Variants in EVC2 observed in about 807,000 individuals in gnomAD.
EVC2 encodes limbin.
EVC2 carries 148 observed loss-of-function variants against 149.3 expected under a neutral mutation model. The observed-to-expected ratio is 0.99, with a 90% confidence interval of 0.87 to 1.14. The LOEUF is 1.14. EVC2 is among the 50% of genes most tolerant of loss of function. The pLI is 0.00. For synonymous variants in EVC2, 776 were observed against 649.9 expected (o/e 1.19, Z -2.95); for missense variants, 1,854 against 1,627.3 (o/e 1.14, Z -2.40).
chr4:5,606,285 C>A (rs1412988210), intron 16 of EVC2, among the ~76,000 whole-genome samples: 1 of 152,172 alleles, frequency 6.6e-6, no homozygotes, highest in African/African-American at 2.4e-5. Context: ...TTAAAGCAGA[C>A]CTACTGTAAA....
intron 19 of EVC2, among the ~76,000 whole-genome samples, chr4:5,570,896 G>A (rs1236236238): frequency 1.3e-5 from 2 of 152,138 alleles, no homozygotes; most frequent in Non-Finnish European, 2.9e-5. Context: ...ACTCAGGAAT[G>A]GAAAACCATA....
rs186052775 is a variant in EVC2, at chr4:5,697,891, G to A, written c.229-244C>T. Among the ~76,000 whole-genome samples the A allele has an allele frequency of 1.7e-3, 260 of 151,766 alleles. 4 individuals carry two copies. Among genetic ancestry groups the A allele is most frequent in the East Asian group, 0.014 (72 of 5,146 alleles). Reference sequence around the variant, plus strand: ...CTCCCGAGTAGCTGGGACTACAGGCGCCCACCACCACGCCCAGCTAATTTT... The same window carrying A: ...CTCCCGAGTAGCTGGGACTACAGGCACCCACCACCACGCCCAGCTAATTTT... On this transcript the variant is annotated intron_variant, in intron 1 of 21. Transcript: ENST00000344408.
At chr4:5,659,836 A>C (rs1718766008) in intron 9 of EVC2, among the ~76,000 whole-genome samples, 1 of 152,224 alleles carries the variant, frequency 6.6e-6, no homozygotes, top group African/African-American at 2.4e-5. Context: ...TCCTCTTTTA[A>C]AGTACTAATT....
chr4:5,648,467 G>T (rs1033166037), intron 9 of EVC2, among the ~76,000 whole-genome samples: 1 of 152,162 alleles, frequency 6.6e-6, no homozygotes, highest in African/African-American at 2.4e-5. Context: ...TGCTTTACCG[G>T]TGGTTTGCTG....
chr4:5,584,979 G>A (rs531618829), intron 16 of EVC2, 129 bp from the exon 17 acceptor site: 62 of 992,216 alleles, frequency 6.2e-5, no homozygotes, highest in South Asian at 2.6e-4. Context: ...CAATGGAGAC[G>A]CACTGGGAAC....
the EVC2 span, among the ~76,000 whole-genome samples, chr4:5,531,149 G>GCCTA: frequency 6.6e-6 from 1 of 152,152 alleles, no homozygotes; most frequent in Non-Finnish European, 1.5e-5. Flanking sequence ...GGGAGTGGCG[G>GCCTA]CCTACATCAG....
chr4:5,688,442 T>TA (rs1421605403), intron 5 of EVC2, among the ~76,000 whole-genome samples: 1 of 152,202 alleles, frequency 6.6e-6, no homozygotes, highest in Non-Finnish European at 1.5e-5. Flanking sequence ...TCAGCCACTT[T>TA]AGTCCCAGTC....
intron 19 of EVC2, among the ~76,000 whole-genome samples, chr4:5,570,487 C>T (rs536124428): frequency 1.3e-5 from 2 of 152,318 alleles, no homozygotes; most frequent in South Asian, 4.1e-4. Context: ...TCTGATGCCA[C>T]ATCTACAGAC....
At chr4:5,586,748 C>T (rs1712315728) in intron 16 of EVC2, among the ~76,000 whole-genome samples, 1 of 152,126 alleles carries the variant, frequency 6.6e-6, no homozygotes. Flanking sequence ...ATCTGGAAGC[C>T]CCCACTTCAA....
chr4:5,689,195 G>T lies in EVC2; in HGVS notation c.668C>A (p.Ser223Ter), dbSNP rs999964757. The change falls in exon 5 of 22, where the codon TCG (serine) becomes TAG (stop). Residue 223 changes from serine to a stop codon, truncating the protein, a stop_gained. Coordinates refer to ENST00000344408, the MANE Select transcript of EVC2 (RefSeq NM_147127.5). LOFTEE classifies it high-confidence loss of function. ...CTTGCTAAAAGCCTGGAATCCTTCC[G>T]AGGTCCTGTTTCCCACAGAGTCCCA... Reference protein sequence around the residue: ...TIWDSVGNRTSEGFQAFSKKF... With the variant: ...TIWDSVGNRT 2.5e-6 allele frequency: 4 copies of T among 1,614,066 alleles called. No homozygotes were observed. The highest frequency in any genetic ancestry group is 2.7e-5 in the African/African-American group (2 of 74,924).
Position 5,670,455 on chromosome 4 carries a change from C to T in EVC2, c.871-4806G>A, listed in dbSNP as rs114758963. ...CCATTATGATCAATATCAGCAGGATCACCATCAAATTCATCATCACCATCC... is the reference window on the plus strand; with the variant it reads ...CCATTATGATCAATATCAGCAGGATTACCATCAAATTCATCATCACCATCC... On this transcript the variant is annotated intron_variant, in intron 7 of 21. Coordinates refer to ENST00000344408, the MANE Select transcript of EVC2 (RefSeq NM_147127.5). The surrounding 1 kb of genome is among the most constrained non-coding windows in gnomAD (Gnocchi z 5.2). Among the ~76,000 whole-genome samples the T allele has an allele frequency of 4.1e-3, 617 of 151,846 alleles. 5 individuals carry two copies. Among genetic ancestry groups the T allele is most frequent in the Middle Eastern group, 0.014 (4 of 292 alleles).
At chr4:5,578,434 C>A (rs1723062707) in intron 17 of EVC2, among the ~76,000 whole-genome samples, 1 of 152,096 alleles carries the variant, frequency 6.6e-6, no homozygotes, top group African/African-American at 2.4e-5. Flanking sequence ...AGGAATTTTT[C>A]ATCATCTAAT....
At chr4:5,632,073 G>A (rs1202058165) in intron 10 of EVC2, 41 bp from the exon 11 acceptor site, 31 of 1,611,616 alleles carry the variant, frequency 1.9e-5, no homozygotes, top group Non-Finnish European at 2.5e-5. Flanking sequence ...CTGACACACT[G>A]AACATGCACC....
chr4:5,682,955 G>T (rs200470402), intron 6 of EVC2, among the ~76,000 whole-genome samples: 1 of 152,028 alleles, frequency 6.6e-6, no homozygotes, highest in East Asian at 1.9e-4. Flanking sequence ...CGCGACTAAG[G>T]CATTTTTCTG....
At chr4:5,557,024 C>T (rs1577090150) in intron 21 of EVC2, among the ~76,000 whole-genome samples, 1 of 152,198 alleles carries the variant, frequency 6.6e-6, no homozygotes, top group East Asian at 1.9e-4. Flanking sequence ...TACCAATTTT[C>T]CATAATCTCT....
At chr4:5,681,725 A>G (rs1044830611) in intron 6 of EVC2, among the ~76,000 whole-genome samples, 1 of 150,380 alleles carries the variant, frequency 6.6e-6, no homozygotes, top group African/African-American at 2.4e-5. Flanking sequence ...AACGCACTTG[A>G]TTCTCCAAGC....
chr4:5,699,642 CAAAA>C (rs773633372), intron 1 of EVC2, among the ~76,000 whole-genome samples: 4 of 111,746 alleles, frequency 3.6e-5, no homozygotes, highest in African/African-American at 1.1e-4. Flanking sequence ...TCCATCTCTA[CAAAA>C]AAAAAAAAAA....
In EVC2 at chr4:5,694,446, GA is replaced by G; in HGVS notation, c.338del (p.Leu113ProfsTer34). On this transcript the variant is annotated frameshift_variant, in exon 3 of 22. Coordinates refer to ENST00000344408, the MANE Select transcript of EVC2 (RefSeq NM_147127.5). LOFTEE classifies it high-confidence loss of function. ...GCCCACTAGAGGCTGCAGAAGTTGA[GA>G]GTGGGATGAAGACTTCCATTTTCTT... is the stretch of plus-strand genomic sequence containing the variant. ...LDKKMEVFIP[L>X]STSAASSGPW... 1 of 1,614,212 alleles carries G rather than the reference GA, an allele frequency of 6.2e-7. No individual in the cohort carries two copies. Among genetic ancestry groups the G allele is most frequent in the South Asian group, 1.1e-5 (1 of 91,088 alleles).
chr4:5,704,029 C>T lies in EVC2; in HGVS notation c.228+4257G>A, dbSNP rs571269165. Among the ~76,000 whole-genome samples the T allele has an allele frequency of 2.0e-5, 3 of 152,164 alleles. No individual in the cohort carries two copies. In the East Asian group the frequency reaches 5.8e-4, roughly 30 times the overall value. ...CAAGGAACACAAGGAGGCCAGGGTG[C>T]CTGAGCAGGGCGAGTGAGTGGTTTC... On this transcript the variant is annotated intron_variant, in intron 1 of 21. Transcript: ENST00000344408.
Sources: gnomAD v4.1 joint callset for allele counts (sites outside exome capture counted in the v4.1 genomes callset) on GRCh38, gnomAD v4.1.1 for gene constraint, Gnocchi (gnomAD v3.1) non-coding constraint, MANE v1.5 for transcripts, NCBI Gene and HGNC (gene_info 2026-07-23, HGNC 2026-07-21) for gene names.